Variants in STARD7 observed in about 807,000 individuals in gnomAD.
The protein encoded by STARD7 is StAR related lipid transfer domain containing 7, also known as stAR-related lipid transfer protein 7, mitochondrial.
STARD7 carries 30 observed loss-of-function variants against 45.3 expected under a neutral mutation model. The observed-to-expected ratio is 0.66, with a 90% CI of 0.50 to 0.90. The LOEUF (loss-of-function observed/expected upper bound fraction) is 0.90, where lower values mean the gene tolerates loss of function less well. Among genes scored for constraint, STARD7 ranks in the 40% least tolerant of loss-of-function variants. The pLI is 0.00. For missense variants in STARD7, 495 were observed against 491.3 expected, an observed-to-expected ratio of 1.01 and a Z score of -0.07; for synonymous variants, 199 against 183.0, an observed-to-expected ratio of 1.09 and a Z score of -0.70.
chr2:96,192,487 G>A lies in STARD7; in HGVS notation c.744-19C>T. On this transcript the variant is annotated intron_variant, in intron 5 of 7. Transcript: ENST00000337288. ...CACAGCACTGGTAAGGAGGAAAGGA[G>A]AAGCAAACTCTTAGTAATGTCTATA... 4 of 1,583,700 alleles carry A rather than the reference G, an allele frequency of 2.5e-6. No individual in the cohort carries two copies. The highest frequency in any genetic ancestry group is 1.3e-5 in the African/African-American group (1 of 74,446).
At chr2:96,204,249 G>A (rs1164670328) in intron 1 of STARD7, among the ~76,000 whole-genome samples, 1 of 151,854 alleles carries the variant, frequency 6.6e-6, no homozygotes, top group Non-Finnish European at 1.5e-5. Flanking sequence ...GACAGAGTGA[G>A]ATTATGTCTT....
In STARD7 at chr2:96,193,372, C is replaced by G; in HGVS notation, c.550-20G>C. On this transcript the variant is annotated intron_variant, in intron 3 of 7. Transcript: ENST00000337288. Reference sequence around the variant, plus strand: ...GTCCAGCTGCAGAAAGAGAAAAGACCATGAATACCCAAGAAGACCCAAAAC... The same window carrying G: ...GTCCAGCTGCAGAAAGAGAAAAGACGATGAATACCCAAGAAGACCCAAAAC... 1 of 1,524,650 alleles carries G rather than the reference C, an allele frequency of 6.6e-7. No individual in the cohort carries two copies. 94.4% of individuals were successfully genotyped at this position (1,524,650 alleles called of 1,614,324 possible). A position where few individuals can be genotyped will look rare whatever the true frequency, so the allele number is the denominator to read the frequency against.
intron 2 of STARD7, 40 bp from the exon 3 acceptor site, chr2:96,195,047 CCA>C: frequency 6.4e-7 from 1 of 1,551,690 alleles, no homozygotes; most frequent in Non-Finnish European, 8.8e-7. Flanking sequence ...TGGCCATACT[CCA>C]GTCACTCGCC....
chr2:96,192,317 G>T, intron 6 of STARD7, 52 bp downstream of exon 6: 1 of 1,388,764 alleles, frequency 7.2e-7, no homozygotes, highest in Non-Finnish European at 1.0e-6. Context: ...GACATCCCTT[G>T]AGAAAATTCC....
intron 1 of STARD7, among the ~76,000 whole-genome samples, chr2:96,201,514 G>A (rs1683304361): frequency 6.6e-6 from 1 of 151,872 alleles, no homozygotes; most frequent in Non-Finnish European, 1.5e-5. Context: ...CCTGAGCCCT[G>A]GAGGTCGGGA....
In STARD7 at chr2:96,186,741, C is replaced by A; in HGVS notation, c.1102G>T (p.Glu368Ter). The part of the protein sequence containing the change: ...NEGSCGPARI[E>*]YA ...TATCCCAAAGCCTGTCAAGCATACT[C>A]AATCCGAGCAGGGCCACAGCTGCCC... Residue 368 changes from glutamate to a stop codon, truncating the protein, a stop_gained, in exon 8 of 8, where the codon GAG (glutamate) becomes TAG (stop). Transcript: ENST00000337288. LOFTEE classifies it high-confidence loss of function. 1 of 1,609,578 alleles carries A rather than the reference C, an allele frequency of 6.2e-7. No individual in the cohort carries two copies. Among genetic ancestry groups the A allele is most frequent in the Non-Finnish European group, 8.5e-7 (1 of 1,178,236 alleles).
Position 96,208,527 on chromosome 2 carries a change from C to T in STARD7, c.-93G>A, listed in dbSNP as rs1209625783. On this transcript the variant is annotated 5_prime_UTR_variant, in exon 1 of 8. Transcript: ENST00000337288. The stretch of plus-strand genomic sequence containing the variant: ...GTGGTCGCAGCGTCCCCCTAAATGG[C>T]CGGCCACGAACCCGTCTCACGGTCC... 5 of 1,163,680 alleles carry T rather than the reference C, an allele frequency of 4.3e-6. No individual in the cohort carries two copies. The highest frequency in any genetic ancestry group is 4.5e-6 in the Non-Finnish European group (4 of 893,322). The allele number at this position is 1,163,680 out of a possible 1,614,324, so 72.1% of individuals were successfully genotyped here. A position where few individuals can be genotyped will look rare whatever the true frequency, so the allele number is the denominator to read the frequency against.
chr2:96,198,024 G>C (rs1683251595), intron 1 of STARD7, among the ~76,000 whole-genome samples: 1 of 151,764 alleles, frequency 6.6e-6, no homozygotes, highest in Non-Finnish European at 1.5e-5. Context: ...TTATATTACT[G>C]CTATTATAAT....
chr2:96,193,211 C>A (rs758833782), intron 4 of STARD7, 31 bp downstream of exon 4: 1 of 1,602,256 alleles, frequency 6.2e-7, no homozygotes, highest in African/African-American at 1.3e-5. Flanking sequence ...CAAACCTGGA[C>A]AGAAATAAAA....
chr2:96,197,721 T>A lies in STARD7; in HGVS notation c.291-2172A>T, dbSNP rs1386985763. On this transcript the variant is annotated intron_variant, in intron 1 of 7. Coordinates refer to ENST00000337288, the MANE Select transcript of STARD7 (RefSeq NM_020151.4). ...CCCAAAAGAAACCTCTATCTATCAT[T>A]AGTCACTTCCCATTCCTGCCTCCTC... 2.6e-5 allele frequency among the ~76,000 whole-genome samples: 4 copies of A among 152,340 alleles called. No homozygotes were observed. The East Asian group carries it at 7.7e-4, about 29-fold the overall frequency.
Position 96,190,903 on chromosome 2 carries a change from C to G in STARD7, c.843+1466G>C, listed in dbSNP as rs113057045. On this transcript the variant is annotated intron_variant, in intron 6 of 7. Transcript: ENST00000337288. ...CTTGGGCTGGGCACAGTGGCTCACG[C>G]CTCTAATCCCAGCATTTTGGGAGGC... 9.3e-3 allele frequency among the ~76,000 whole-genome samples: 1,411 copies of G among 152,232 alleles called. 26 individuals are homozygous for G. Among genetic ancestry groups the G allele is most frequent in the African/African-American group, 0.033 (1,371 of 41,546 alleles).
chr2:96,200,625 T>A (rs1372352372), intron 1 of STARD7, among the ~76,000 whole-genome samples: 1 of 152,222 alleles, frequency 6.6e-6, no homozygotes, highest in African/African-American at 2.4e-5. Context: ...AAACCTTTTT[T>A]ATATATCTGA....
chr2:96,192,434 C>G lies in STARD7; in HGVS notation c.778G>C (p.Glu260Gln). The change falls in exon 6 of 8, where the codon GAA becomes CAA. Residue 260 changes from glutamate to glutamine, a missense_variant. By Grantham distance (29) the Glu-to-Gln change is conservative. Transcript: ENST00000337288. ...VEHPSVPESP[E>Q]FVRVRSYESQ... is the part of the protein sequence containing the mutation. Reference sequence around the variant, plus strand: ...TCATATGATCTGACCCTGACGAATTCTGGAGACTCTGGCACACTCGGATGC... The same window carrying G: ...TCATATGATCTGACCCTGACGAATTGTGGAGACTCTGGCACACTCGGATGC... 6.2e-7 allele frequency: 1 copy of G among 1,613,900 alleles called. No individual in the cohort carries two copies. Among genetic ancestry groups the G allele is most frequent in the Non-Finnish European group, 8.5e-7 (1 of 1,179,848 alleles).
intron 2 of STARD7, 108 bp downstream of exon 2, chr2:96,195,233 G>C: frequency 9.4e-7 from 1 of 1,063,184 alleles, no homozygotes; most frequent in Non-Finnish European, 1.4e-6. Context: ...AAAAAACTAC[G>C]GCAAATTTTC....
intron 3 of STARD7, among the ~76,000 whole-genome samples, chr2:96,194,207 T>A (rs1403282389): frequency 2.0e-5 from 3 of 151,454 alleles, no homozygotes; most frequent in African/African-American, 4.9e-5. Context: ...GAAAAAAAAA[T>A]TTTAATTAGC....
intron 1 of STARD7, among the ~76,000 whole-genome samples, chr2:96,196,805 C>T (rs956108289): frequency 1.3e-5 from 2 of 151,964 alleles, no homozygotes; most frequent in African/African-American, 4.8e-5. Flanking sequence ...CAGTGGCTCA[C>T]GCCTGTAATC....
intron 1 of STARD7, among the ~76,000 whole-genome samples, chr2:96,205,357 C>A (rs900278490): frequency 6.6e-6 from 1 of 152,208 alleles, no homozygotes; most frequent in Non-Finnish European, 1.5e-5. Context: ...AAGGAAAACA[C>A]ATGCCACTTT....
intron 1 of STARD7, among the ~76,000 whole-genome samples, chr2:96,197,300 G>A (rs192464627): frequency 1.3e-4 from 19 of 151,854 alleles, no homozygotes; most frequent in African/African-American, 1.4e-4. Flanking sequence ...AGCTACTCGG[G>A]AGGCTGAGGC....
At chr2:96,190,204 G>A (rs1683104087) in intron 6 of STARD7, among the ~76,000 whole-genome samples, 3 of 152,072 alleles carry the variant, frequency 2.0e-5, no homozygotes. Flanking sequence ...ACACCAGAAA[G>A]CAAGACAGCT....
Sources: allele counts gnomAD v4.1 joint callset (sites outside exome capture counted in the v4.1 genomes callset), GRCh38; gene constraint gnomAD v4.1.1; transcripts MANE v1.5; gene names NCBI Gene and HGNC (gene_info 2026-07-23, HGNC 2026-07-21).